The following OTOA variants were observed in gnomAD, a reference collection of about 807,000 sequenced individuals.
OTOA encodes the protein cancer/testis antigen 108.
A neutral mutation model predicts 110.8 loss-of-function variants in OTOA; 70 were observed. The observed-to-expected ratio is 0.63, with a 90% CI of 0.52 to 0.77. The LOEUF (loss-of-function observed/expected upper bound fraction) is 0.77, where lower values mean the gene tolerates loss of function less well. Ranked by LOEUF, OTOA falls within the 30% of genes least tolerant of loss-of-function variation. The probability of loss-of-function intolerance (pLI) is 0.00; values close to 1 mark genes in which losing one functional copy is unlikely to be tolerated. For synonymous variants in OTOA, 373 were observed against 431.5 expected, an observed-to-expected ratio of 0.86 and a Z score of 1.68; for missense variants, 917 against 1,075.8, an observed-to-expected ratio of 0.85 and a Z score of 2.06.
intron 20 of OTOA, chr16:21,730,299 A>G (rs1451888847): frequency 6.5e-6 from 1 of 154,946 alleles, no homozygotes; most frequent in African/African-American, 2.4e-5. Flanking sequence ...CTGTTATGGT[A>G]AAGTAAAAGG....
In OTOA at chr16:21,664,020, G is replaced by C. The variant is rs918156677; in HGVS notation, c.-217G>C. On this transcript the variant is annotated 5_prime_UTR_variant, in exon 1 of 29. Coordinates refer to ENST00000646100, the MANE Select transcript of OTOA (RefSeq NM_144672.4). ...GGCATTTGTGCGTCTTGCAAGCTTC[G>C]ACAGATAGGAAGTCCCAGGCGGGGA... The C allele has an allele frequency of 2.0e-5, 3 of 152,194 alleles. No homozygotes were observed. The highest frequency in any genetic ancestry group is 7.2e-5 in the African/African-American group (3 of 41,442). 9.4% of individuals were successfully genotyped at this position (152,194 alleles called of 1,614,324 possible).
rs1235823838 is a variant in OTOA, at chr16:21,715,042, C to G, written c.1378C>G (p.Gln460Glu). 1 of 1,614,218 alleles carries G rather than the reference C, an allele frequency of 6.2e-7. No homozygotes were observed. The highest frequency in any genetic ancestry group is 8.5e-7 in the Non-Finnish European group (1 of 1,180,022). The change falls in exon 14 of 29, where the codon CAG (glutamine) becomes GAG (glutamate). Residue 460 changes from glutamine (Q) to glutamate (E), a missense_variant. Gln to Glu is a conservative substitution (Grantham distance 29, BLOSUM62 2). Coordinates refer to ENST00000646100, the MANE Select transcript of OTOA (RefSeq NM_144672.4). ...MGALLAGVST[Q>E]AFCSMKRKDI... The stretch of plus-strand genomic sequence containing the variant: ...CGCACTGCTGGCTGGGGTCAGCACC[C>G]AGGCCTTCTGCAGCATGAAACGCAA...
chr16:21,719,489 G>A lies in OTOA; in HGVS notation c.1791G>A (p.Leu597=), dbSNP rs142579999. The A allele has an allele frequency of 1.2e-6, 2 of 1,613,838 alleles. No homozygotes were observed. Among genetic ancestry groups the A allele is most frequent in the Non-Finnish European group, 1.7e-6 (2 of 1,179,920 alleles). The change falls in exon 17 of 29, where the codon CTG becomes CTA. Residue 597 remains leucine, a synonymous_variant. Transcript: ENST00000646100. ...AGGATTTTCAGAACAACTTCGCCCT[G>A]CTTTCACCCTATCAGGTACCGTTAA... is the stretch of plus-strand genomic sequence containing the variant. ...HFQDFQNNFA[L]LSPYQVNCLA...
chr16:21,692,760 C>G (rs1253290190), intron 9 of OTOA, among the ~76,000 whole-genome samples: 1 of 147,212 alleles, frequency 6.8e-6, no homozygotes, highest in Non-Finnish European at 1.5e-5. Context: ...ACCCCCTTCT[C>G]TACTAAAAAT....
chr16:21,669,685 T>G (rs1966846593), intron 1 of OTOA, among the ~76,000 whole-genome samples: 2 of 152,104 alleles, frequency 1.3e-5, no homozygotes, highest in Admixed American at 1.3e-4. Context: ...TCCAAATACC[T>G]CCAAAATCCA....
At chr16:21,678,407 C>CATATAT (rs113757042) in intron 1 of OTOA, 104 bp from the exon 2 acceptor site, 36 of 649,358 alleles carry the variant, frequency 5.5e-5, no homozygotes, top group South Asian at 9.6e-5. Context: ...TCTGAATGTC[C>CATATAT]ATATATATAT....
intron 8 of OTOA, among the ~76,000 whole-genome samples, chr16:21,691,063 G>T (rs893125096): frequency 6.6e-6 from 1 of 150,886 alleles, no homozygotes; most frequent in Non-Finnish European, 1.5e-5. Context: ...AGAACATGCG[G>T]TGTTTGGTTT....
intron 18 of OTOA, 143 bp downstream of exon 18, chr16:21,723,121 G>C: frequency 1.3e-6 from 1 of 794,880 alleles, no homozygotes; most frequent in Non-Finnish European, 2.2e-6. Flanking sequence ...AAGCCCTTGA[G>C]ATCCAGGATT....
At chr16:21,707,869 A>G (rs997328119) in intron 12 of OTOA, among the ~76,000 whole-genome samples, 1 of 145,714 alleles carries the variant, frequency 6.9e-6, no homozygotes, top group Non-Finnish European at 1.5e-5. Context: ...ATCTTGGCTC[A>G]CTGCAACCTC....
intron 24 of OTOA, among the ~76,000 whole-genome samples, chr16:21,751,702 A>G (rs1258668508): frequency 1.7e-5 from 2 of 116,320 alleles, no homozygotes; most frequent in African/African-American, 5.7e-5. Flanking sequence ...TGAAGGATGT[A>G]AGAGATTCAT....
At chr16:21,705,657 A>G (rs1898150054) in intron 12 of OTOA, among the ~76,000 whole-genome samples, 1 of 151,930 alleles carries the variant, frequency 6.6e-6, no homozygotes, top group Admixed American at 6.6e-5. Context: ...CAAAAAATAC[A>G]AAAAAATGGC....
chr16:21,727,170 C>G (rs941257301), intron 19 of OTOA: 1 of 164,382 alleles, frequency 6.1e-6, no homozygotes, highest in Non-Finnish European at 1.3e-5. Context: ...GTGTGTACCA[C>G]TACACCCGGT....
chr16:21,759,683 T>C (rs573654868), intron 28 of OTOA, among the ~76,000 whole-genome samples: 8 of 152,176 alleles, frequency 5.3e-5, no homozygotes, highest in African/African-American at 1.9e-4. Flanking sequence ...GGTGGATCAC[T>C]TGGGGTTAGA....
chr16:21,728,122 C>T, intron 19 of OTOA, 119 bp from the exon 20 acceptor site: 5 of 1,302,148 alleles, frequency 3.8e-6, no homozygotes, highest in Non-Finnish European at 5.5e-6. Flanking sequence ...GCCTCGGCCT[C>T]CCAGAGTGCT....
chr16:21,664,494 G>A (rs987168184), intron 1 of OTOA, among the ~76,000 whole-genome samples: 3 of 152,126 alleles, frequency 2.0e-5, no homozygotes, highest in Admixed American at 6.6e-5. Flanking sequence ...TAACAGCGAT[G>A]ACAACTGTTG....
At chr16:21,727,627 T>A (rs1411357432) in intron 19 of OTOA, among the ~76,000 whole-genome samples, 1 of 152,128 alleles carries the variant, frequency 6.6e-6, no homozygotes, top group Non-Finnish European at 1.5e-5. Context: ...GAAGTGCTGT[T>A]TTCATTGTTG....
intron 1 of OTOA, among the ~76,000 whole-genome samples, chr16:21,668,463 T>C (rs543189579): frequency 1.6e-4 from 24 of 148,570 alleles, no homozygotes; most frequent in African/African-American, 3.7e-4. Context: ...TTCTTTCTTT[T>C]TTTTTTTTTT....
chr16:21,700,202 C>A (rs1398405342), intron 10 of OTOA, among the ~76,000 whole-genome samples: 4 of 152,044 alleles, frequency 2.6e-5, no homozygotes, highest in African/African-American at 9.7e-5. Flanking sequence ...TTTTCCATCA[C>A]CCAAGGGCCA....
At chr16:21,695,891 A>ATATATATATTTTTTTT (rs569493650) in intron 9 of OTOA, among the ~76,000 whole-genome samples, 1 of 41,904 alleles carries the variant, frequency 2.4e-5, no homozygotes, top group African/African-American at 1.5e-4. Context: ...ATATATATAT[A>ATATATATATTTTTTTT]TTTTTTTTTT....
Sources: gnomAD v4.1 joint callset for allele counts (sites outside exome capture counted in the v4.1 genomes callset) on GRCh38, gnomAD v4.1.1 for gene constraint, MANE v1.5 for transcripts, NCBI Gene and HGNC (gene_info 2026-07-23, HGNC 2026-07-21) for gene names.